UBTD2: variants seen among roughly 807,000 people sequenced by gnomAD.
UBTD2 encodes the protein ubiquitin domain containing 2.
In UBTD2, 9 loss-of-function variants were observed where a neutral mutation model predicts 19.8. The observed-to-expected ratio is 0.46, with a 90% confidence interval of 0.27 to 0.79. The LOEUF (loss-of-function observed/expected upper bound fraction) is 0.79, where lower values mean the gene tolerates loss of function less well. Among genes scored for constraint, UBTD2 ranks in the 30% least tolerant of loss-of-function variants. The pLI is 0.14. For synonymous variants in UBTD2, 98 were observed against 103.9 expected, an observed-to-expected ratio of 0.94 and a Z score of 0.35; for missense variants, 250 against 300.4, an observed-to-expected ratio of 0.83 and a Z score of 1.24.
intron 1 of UBTD2, among the ~76,000 whole-genome samples, chr5:172,262,851 G>A (rs1446901354): frequency 9.9e-5 from 15 of 152,094 alleles, no homozygotes; most frequent in Admixed American, 5.2e-4. Flanking sequence ...TTCTTTTCAC[G>A]TCTATAAATT....
At chr5:172,261,932 ATACAC>A (rs1561863865) in intron 1 of UBTD2, among the ~76,000 whole-genome samples, 1 of 152,068 alleles carries the variant, frequency 6.6e-6, no homozygotes, top group East Asian at 1.9e-4. Context: ...CCTCACTCAC[ATACAC>A]TTCTACTGCA....
At chr5:172,263,662 C>T (rs372626211) in intron 1 of UBTD2, among the ~76,000 whole-genome samples, 5 of 152,088 alleles carry the variant, frequency 3.3e-5, no homozygotes, top group Non-Finnish European at 5.9e-5. Context: ...GGCACGGTGG[C>T]GGGCGCCTGT....
At chr5:172,266,215 G>A (rs1451843567) in intron 1 of UBTD2, among the ~76,000 whole-genome samples, 3 of 152,152 alleles carry the variant, frequency 2.0e-5, no homozygotes, top group African/African-American at 7.2e-5. Context: ...ACAGGTGTGA[G>A]CCACCGCACC....
chr5:172,283,514 G>T lies in UBTD2; in HGVS notation c.70+82C>A. ...TGACAAAGGGGCGCGGGGGCCCGGCGCGGCCCGCGGGGGTCGGGACAGGTG... is the reference window on the plus strand; with the variant it reads ...TGACAAAGGGGCGCGGGGGCCCGGCTCGGCCCGCGGGGGTCGGGACAGGTG... On this transcript the variant is annotated intron_variant, in intron 1 of 2. Transcript: ENST00000393792. The surrounding 1 kb of genome is among the most constrained non-coding windows in gnomAD (Gnocchi z 4.3). 1 of 1,117,004 alleles carries T rather than the reference G, an allele frequency of 9.0e-7. No homozygotes were observed. 69.2% of individuals were successfully genotyped at this position (1,117,004 alleles called of 1,614,324 possible). A position where few individuals can be genotyped will look rare whatever the true frequency, so the allele number is the denominator to read the frequency against.
At chr5:172,230,071 A>G (rs1561853044) in intron 2 of UBTD2, among the ~76,000 whole-genome samples, 1 of 152,378 alleles carries the variant, frequency 6.6e-6, no homozygotes, top group South Asian at 2.1e-4. Flanking sequence ...GGTATCAGGT[A>G]TCAAAATCAC....
At chr5:172,259,963 G>A (rs1487024227) in intron 1 of UBTD2, among the ~76,000 whole-genome samples, 1 of 152,068 alleles carries the variant, frequency 6.6e-6, no homozygotes, top group Admixed American at 6.6e-5. Context: ...TGAGGCAGGA[G>A]AATCGCTTGA....
intron 1 of UBTD2, among the ~76,000 whole-genome samples, chr5:172,245,084 AC>A (rs1754849579): frequency 6.6e-6 from 1 of 152,180 alleles, no homozygotes; most frequent in Non-Finnish European, 1.5e-5. Flanking sequence ...TGGACACATA[AC>A]ACTCAATAAG....
chr5:172,231,038 C>T (rs1404160428), intron 2 of UBTD2, among the ~76,000 whole-genome samples: 1 of 152,164 alleles, frequency 6.6e-6, no homozygotes, highest in East Asian at 1.9e-4. Flanking sequence ...CCGCCTCGGC[C>T]TCCCAAAGTG....
chr5:172,283,485 G>A lies in UBTD2; in HGVS notation c.70+111C>T, dbSNP rs868792116. 3.4e-5 allele frequency: 27 copies of A among 805,950 alleles called. No homozygotes were observed. Among genetic ancestry groups the A allele is most frequent in the South Asian group, 2.8e-4 (5 of 17,894 alleles). 49.9% of individuals were successfully genotyped at this position (805,950 alleles called of 1,614,324 possible). A position where few individuals can be genotyped will look rare whatever the true frequency, so the allele number is the denominator to read the frequency against. On this transcript the variant is annotated intron_variant, in intron 1 of 2. Coordinates refer to ENST00000393792, the MANE Select transcript of UBTD2 (RefSeq NM_152277.3). The surrounding 1 kb of genome is among the most constrained non-coding windows in gnomAD (Gnocchi z 4.3). ...GAGCGCGGGGAATGACGTGGAAGAG[G>A]GGATGACAAAGGGGCGCGGGGGCCC...
intron 1 of UBTD2, among the ~76,000 whole-genome samples, chr5:172,252,838 C>T (rs1755057285): frequency 6.6e-6 from 1 of 152,062 alleles, no homozygotes; most frequent in African/African-American, 2.4e-5. Flanking sequence ...AACCATAAAA[C>T]ATATTGGTAT....
At chr5:172,280,509 CAAAAAA>C (rs376156166) in intron 1 of UBTD2, among the ~76,000 whole-genome samples, 53 of 95,012 alleles carry the variant, frequency 5.6e-4, no homozygotes, top group Non-Finnish European at 9.9e-4. Flanking sequence ...GACTCCATCT[CAAAAAA>C]AAAAAAAAAA....
chr5:172,228,628 C>CA (rs1771825497), intron 2 of UBTD2, among the ~76,000 whole-genome samples: 1 of 151,690 alleles, frequency 6.6e-6, no homozygotes, highest in Admixed American at 6.6e-5. Context: ...GGCTGAGGCA[C>CA]AAGAATTGCT....
At chr5:172,259,798 A>C (rs1419885213) in intron 1 of UBTD2, among the ~76,000 whole-genome samples, 2 of 152,126 alleles carry the variant, frequency 1.3e-5, no homozygotes, top group Non-Finnish European at 2.9e-5. Flanking sequence ...TCACGCCTGT[A>C]ATCTCAGCAC....
chr5:172,266,409 C>T (rs1481443581), intron 1 of UBTD2, among the ~76,000 whole-genome samples: 1 of 152,192 alleles, frequency 6.6e-6, no homozygotes, highest in Non-Finnish European at 1.5e-5. Context: ...GCAGAGCAGG[C>T]ACCAGACTTT....
chr5:172,266,130 C>A (rs1414295504), intron 1 of UBTD2, among the ~76,000 whole-genome samples: 1 of 151,886 alleles, frequency 6.6e-6, no homozygotes, highest in Non-Finnish European at 1.5e-5. Context: ...GAGGTTTCAC[C>A]GTGTTAGCCA....
intron 1 of UBTD2, among the ~76,000 whole-genome samples, chr5:172,280,226 G>GC (rs1315134798): frequency 9.5e-5 from 13 of 136,950 alleles, no homozygotes; most frequent in South Asian, 7.2e-4. Flanking sequence ...AAAAAAAAAG[G>GC]CTGGGCACAG....
chr5:172,262,048 C>G lies in UBTD2; in HGVS notation c.70+21548G>C, dbSNP rs140818618. ...ACAGTTTTGGCTACTCTTTTTATTT[C>G]TCTTTCAGATCAAAATCAGAACTGA... is the stretch of plus-strand genomic sequence containing the variant. On this transcript the variant is annotated intron_variant, in intron 1 of 2. Transcript: ENST00000393792. 8.5e-5 allele frequency among the ~76,000 whole-genome samples: 13 copies of G among 152,296 alleles called. No individual in the cohort carries two copies. In the East Asian group the frequency reaches 2.5e-3, roughly 29 times the overall value.
chr5:172,234,591 A>G (rs1218138329), intron 1 of UBTD2, among the ~76,000 whole-genome samples: 3 of 152,166 alleles, frequency 2.0e-5, no homozygotes, highest in Non-Finnish European at 2.9e-5. Context: ...TCCACTCAGT[A>G]CACCCTCCAC....
chr5:172,217,018 A>G (rs1235356203), intron 2 of UBTD2, among the ~76,000 whole-genome samples: 1 of 152,080 alleles, frequency 6.6e-6, no homozygotes, highest in East Asian at 1.9e-4. Context: ...TCCAACTCCA[A>G]CTTCTCAGAA....
Sources: allele counts gnomAD v4.1 joint callset (sites outside exome capture counted in the v4.1 genomes callset), GRCh38; gene constraint gnomAD v4.1.1; non-coding constraint Gnocchi (gnomAD v3.1); transcripts MANE v1.5; gene names NCBI Gene and HGNC (gene_info 2026-07-23, HGNC 2026-07-21).